The following PARP8 variants were observed in gnomAD, a reference collection of about 807,000 sequenced individuals.
The protein encoded by PARP8 is protein mono-ADP-ribosyltransferase PARP8.
Under a neutral mutation model 124.1 loss-of-function variants are expected in PARP8, and 51 were observed. That is an observed-to-expected ratio of 0.41 (90% CI 0.33 to 0.52). The LOEUF is 0.52. Ranked by LOEUF, PARP8 falls within the 20% of genes least tolerant of loss-of-function variation. PARP8 has a pLI of 0.21. For missense variants in PARP8, 860 were observed against 1,018.9 expected (o/e 0.84, Z 2.12); for synonymous variants, 391 against 361.5 (o/e 1.08, Z -0.93).
chr5:50,826,714 T>G (rs746700657), intron 18 of PARP8, 41 bp from the exon 19 acceptor site: 62 of 1,551,026 alleles, frequency 4.0e-5, no homozygotes, highest in Admixed American at 9.2e-5. Context: ...TTTAAATATA[T>G]TTGGCATGTA....
intron 3 of PARP8, among the ~76,000 whole-genome samples, chr5:50,754,668 G>C (rs1179771840): frequency 2.0e-5 from 3 of 152,162 alleles, no homozygotes; most frequent in African/African-American, 7.2e-5. Flanking sequence ...CTTTATAGCA[G>C]CATGATTTAT....
chr5:50,714,639 G>A (rs1755114996), intron 2 of PARP8, among the ~76,000 whole-genome samples: 1 of 152,110 alleles, frequency 6.6e-6, no homozygotes, highest in Non-Finnish European at 1.5e-5. Flanking sequence ...GGGGGATTAA[G>A]TTATTGCCAA....
chr5:50,670,583 T>A (rs540732629), intron 2 of PARP8, among the ~76,000 whole-genome samples: 4 of 152,232 alleles, frequency 2.6e-5, no homozygotes, highest in Non-Finnish European at 5.9e-5. Flanking sequence ...TGTCCTTTTA[T>A]TTGGTGGTCC....
intron 3 of PARP8, among the ~76,000 whole-genome samples, chr5:50,754,176 C>A (rs1759634732): frequency 3.2e-5 from 1 of 31,670 alleles, no homozygotes; most frequent in Non-Finnish European, 8.4e-5. Flanking sequence ...CACACACACA[C>A]ACACATATAT....
chr5:50,771,979 C>G (rs1373323794), intron 7 of PARP8, among the ~76,000 whole-genome samples: 1 of 152,170 alleles, frequency 6.6e-6, no homozygotes, highest in Non-Finnish European at 1.5e-5. Context: ...ATTTTGTACC[C>G]ATTGACCAGT....
chr5:50,710,103 C>A (rs547524907), intron 2 of PARP8, among the ~76,000 whole-genome samples: 162 of 151,488 alleles, frequency 1.1e-3, no homozygotes, highest in African/African-American at 3.9e-3. Context: ...TGGACAGAGA[C>A]AATTCATATT....
chr5:50,844,168 G>A lies in PARP8; in HGVS notation c.*2100G>A, dbSNP rs969123977. ...CCTGTTGACTTAAGAATAACAGTAG[G>A]TTCACCTATCTGAGGAAATTAAGTA... On this transcript the variant is annotated 3_prime_UTR_variant, in exon 26 of 26. Coordinates refer to ENST00000281631, the MANE Select transcript of PARP8 (RefSeq NM_024615.4). 1.3e-5 allele frequency: 2 copies of A among 151,914 alleles called. No individual in the cohort carries two copies. The highest frequency in any genetic ancestry group is 4.8e-5 in the African/African-American group (2 of 41,512). 9.4% of individuals were successfully genotyped at this position (151,914 alleles called of 1,614,324 possible).
intron 9 of PARP8, among the ~76,000 whole-genome samples, chr5:50,786,909 G>T (rs1268722041): frequency 6.6e-6 from 1 of 152,002 alleles, no homozygotes; most frequent in South Asian, 2.1e-4. Context: ...ATGCCTAAAT[G>T]CTGGGCTTCT....
At chr5:50,777,085 T>C (rs1333950830) in intron 7 of PARP8, among the ~76,000 whole-genome samples, 1 of 152,204 alleles carries the variant, frequency 6.6e-6, no homozygotes, top group East Asian at 1.9e-4. Flanking sequence ...AAAGTGCTAG[T>C]TTCTTGAATA....
chr5:50,745,853 G>A (rs1758482223), intron 2 of PARP8, among the ~76,000 whole-genome samples: 1 of 152,118 alleles, frequency 6.6e-6, no homozygotes, highest in African/African-American at 2.4e-5. Flanking sequence ...ATGGATCACG[G>A]GAAAATGAAT....
At chr5:50,833,865 C>CTTTTTT in intron 23 of PARP8, 114 bp from the exon 24 acceptor site, 2 of 610,938 alleles carry the variant, frequency 3.3e-6, no homozygotes, top group Non-Finnish European at 5.5e-6. Context: ...TCTAGATAGG[C>CTTTTTT]TTTTTTTTTT....
chr5:50,723,199 A>G (rs1580099648), intron 2 of PARP8, among the ~76,000 whole-genome samples: 1 of 152,156 alleles, frequency 6.6e-6, no homozygotes, highest in African/African-American at 2.4e-5. Flanking sequence ...TAAATTAAAA[A>G]ATATTTATAA....
Position 50,797,153 on chromosome 5 carries a change from G to C in PARP8, c.1495G>C (p.Glu499Gln). 6.2e-7 allele frequency: 1 copy of C among 1,613,238 alleles called. No homozygotes were observed. Among genetic ancestry groups the C allele is most frequent in the Non-Finnish European group, 8.5e-7 (1 of 1,179,512 alleles). Residue 499 changes from glutamate (E) to glutamine (Q), a missense_variant, in exon 14 of 26, where the codon GAA becomes CAA. Glu to Gln is a conservative substitution (Grantham distance 29, BLOSUM62 2). Coordinates refer to ENST00000281631, the MANE Select transcript of PARP8 (RefSeq NM_024615.4). ...TTTTATTCAGACAATTGAGTTTGCT[G>C]AACAGCGGATCCCTGTATTAAATGA... The part of the protein sequence containing the change: ...GFLVQTIEFA[E>Q]QRIPVLNEYC...
At chr5:50,778,298 G>A (rs1475943377) in intron 8 of PARP8, among the ~76,000 whole-genome samples, 169 bp downstream of exon 8, 4 of 152,150 alleles carry the variant, frequency 2.6e-5, no homozygotes, top group Admixed American at 1.3e-4. Flanking sequence ...CAGCGATTTT[G>A]TAAACATATA....
intron 21 of PARP8, 41 bp downstream of exon 21, chr5:50,828,425 C>T: frequency 1.3e-6 from 2 of 1,550,302 alleles, no homozygotes; most frequent in Non-Finnish European, 1.8e-6. Flanking sequence ...CATTCTTCTT[C>T]AGAATTGAGA....
chr5:50,678,121 A>G (rs887596559), intron 2 of PARP8, among the ~76,000 whole-genome samples: 1 of 152,168 alleles, frequency 6.6e-6, no homozygotes, highest in Non-Finnish European at 1.5e-5. Flanking sequence ...TTATTCATAT[A>G]TAGATTATAA....
chr5:50,790,918 C>G (rs1260908574), intron 10 of PARP8, among the ~76,000 whole-genome samples: 1 of 151,980 alleles, frequency 6.6e-6, no homozygotes, highest in African/African-American at 2.4e-5. Flanking sequence ...GTTTGTTTCC[C>G]TAATTATAAA....
In PARP8 at chr5:50,795,195, G is replaced by A. The variant is rs1401203123; in HGVS notation, c.1206G>A (p.Lys402=). ...GATGTGAGCACAACACAAACTTGAA[G>A]CCCCATAAACTGTTAAGCAGGTCTT... is the stretch of plus-strand genomic sequence containing the variant. ...DPRCEHNTNL[K]PHKLLSRSYS... The change falls in exon 12 of 26, where the codon AAG becomes AAA. Residue 402 remains lysine, a synonymous_variant. Coordinates refer to ENST00000281631, the MANE Select transcript of PARP8 (RefSeq NM_024615.4). 6.2e-7 allele frequency: 1 copy of A among 1,614,026 alleles called. No homozygotes were observed. Among genetic ancestry groups the A allele is most frequent in the African/African-American group, 1.3e-5 (1 of 74,906 alleles).
chr5:50,669,067 G>A (rs1405391029), intron 2 of PARP8: 1 of 152,110 alleles, frequency 6.6e-6, no homozygotes, highest in Non-Finnish European at 1.5e-5. Context: ...AAATTGATGT[G>A]AACTTTTAAA....
Sources: gnomAD v4.1 joint callset for allele counts (sites outside exome capture counted in the v4.1 genomes callset) on GRCh38, gnomAD v4.1.1 for gene constraint, MANE v1.5 for transcripts, NCBI Gene and HGNC (gene_info 2026-07-23, HGNC 2026-07-21) for gene names.